The following SPON1 variants were observed in gnomAD, a reference collection of about 807,000 sequenced individuals.
The protein encoded by SPON1 is spondin-1.
A neutral mutation model predicts 111.7 loss-of-function variants in SPON1; 52 were observed. The observed-to-expected ratio is 0.47, with a 90% confidence interval of 0.37 to 0.59. SPON1 has a LOEUF of 0.59. SPON1 is among the 20% of genes least tolerant of loss of function. SPON1 has a pLI of 0.00. For synonymous variants in SPON1, 410 were observed against 395.8 expected (o/e 1.04, Z -0.43); for missense variants, 957 against 1,068.5 (o/e 0.90, Z 1.46).
chr11:14,041,485 T>C, intron 2 of SPON1, 36 bp from the exon 3 acceptor site: 6 of 1,608,064 alleles, frequency 3.7e-6, no homozygotes, highest in Non-Finnish European at 5.1e-6. Flanking sequence ...CTCAAAATGA[T>C]GTTGCATGTA....
chr11:14,090,823 GGCCCCCCCCC>G lies in SPON1; in HGVS notation c.676+10803_676+10812del, dbSNP rs1461026337. On this transcript the variant is annotated intron_variant, in intron 5 of 15. Coordinates refer to ENST00000576479, the MANE Select transcript of SPON1 (RefSeq NM_006108.4). ...GCAGCCTGCTTTTATTCTCTTATCT[GGCCCCCCCCC>G]CCCCCCCCCCCGCCCACATCCTGCT... Among the ~76,000 whole-genome samples the G allele has an allele frequency of 2.6e-4, 7 of 27,056 alleles. 1 individual carries two copies. The highest frequency in any genetic ancestry group is 1.6e-3 in the African/African-American group (6 of 3,752). 17.7% of individuals were successfully genotyped at this position (27,056 alleles called of 152,430 possible). A position where few individuals can be genotyped will look rare whatever the true frequency, so the allele number is the denominator to read the frequency against.
At chr11:14,085,003 T>G (rs1442653257) in intron 5 of SPON1, among the ~76,000 whole-genome samples, 1 of 142,136 alleles carries the variant, frequency 7.0e-6, no homozygotes, top group African/African-American at 2.5e-5. Context: ...GTTGTTTTTT[T>G]CTTGTAAATT....
At chr11:14,173,130 C>G (rs1848127718) in intron 6 of SPON1, among the ~76,000 whole-genome samples, 1 of 151,946 alleles carries the variant, frequency 6.6e-6, no homozygotes, top group South Asian at 2.1e-4. Flanking sequence ...TCAGGTACAC[C>G]AATCAGATGT....
At chr11:14,048,074 T>TA (rs1205584938) in intron 3 of SPON1, among the ~76,000 whole-genome samples, 1 of 152,094 alleles carries the variant, frequency 6.6e-6, no homozygotes, top group Non-Finnish European at 1.5e-5. Context: ...ACCCTGTCTC[T>TA]ACTACAAATA....
At position 14,162,590 on chromosome 11, in the gene SPON1, T is replaced by A. The variant is rs188801090; in HGVS notation, c.825+27022T>A. Reference sequence around the variant, plus strand: ...AACTTTTCCCAATCTTTTACAGATATCTTGCTCTCACCTAATTATACATTA... The same window carrying A: ...AACTTTTCCCAATCTTTTACAGATAACTTGCTCTCACCTAATTATACATTA... On this transcript the variant is annotated intron_variant, in intron 6 of 15. Coordinates refer to ENST00000576479, the MANE Select transcript of SPON1 (RefSeq NM_006108.4). Among the ~76,000 whole-genome samples the A allele has an allele frequency of 2.4e-3, 361 of 152,364 alleles. 1 individual carries two copies. Among genetic ancestry groups the A allele is most frequent in the Non-Finnish European group, 4.0e-3 (270 of 68,034 alleles).
At chr11:14,119,969 C>T (rs1591380662) in intron 5 of SPON1, among the ~76,000 whole-genome samples, 1 of 152,034 alleles carries the variant, frequency 6.6e-6, no homozygotes, top group African/African-American at 2.4e-5. Flanking sequence ...GCTCAGTGGC[C>T]ACATATGAGA....
At chr11:14,106,577 A>G (rs1554924942) in intron 5 of SPON1, among the ~76,000 whole-genome samples, 1 of 152,190 alleles carries the variant, frequency 6.6e-6, no homozygotes, top group African/African-American at 2.4e-5. Flanking sequence ...CAAAAACTCT[A>G]CTGTTTGGGG....
chr11:14,096,556 C>A (rs1388856979), intron 5 of SPON1, among the ~76,000 whole-genome samples: 1 of 152,126 alleles, frequency 6.6e-6, no homozygotes, highest in Non-Finnish European at 1.5e-5. Context: ...CTCTACCTAC[C>A]CACCCACTGC....
At chr11:14,158,990 T>C (rs1847880703) in intron 6 of SPON1, among the ~76,000 whole-genome samples, 1 of 125,186 alleles carries the variant, frequency 8.0e-6, no homozygotes, top group Non-Finnish European at 1.8e-5. Context: ...TAATATCTCT[T>C]ACTTTGTTTC....
chr11:14,160,142 T>C (rs1357557547), intron 6 of SPON1, among the ~76,000 whole-genome samples: 1 of 151,376 alleles, frequency 6.6e-6, no homozygotes, highest in African/African-American at 2.4e-5. Context: ...ACCCAAATCA[T>C]CTCATGTACC....
At chr11:14,014,017 T>C (rs1848425405) in intron 2 of SPON1, among the ~76,000 whole-genome samples, 1 of 152,146 alleles carries the variant, frequency 6.6e-6, no homozygotes, top group South Asian at 2.1e-4. Context: ...GCCTGGTTCT[T>C]CTGAAGCTTC....
chr11:14,197,449 A>C (rs554147860), intron 6 of SPON1, among the ~76,000 whole-genome samples: 125 of 151,926 alleles, frequency 8.2e-4, no homozygotes, highest in African/African-American at 2.8e-3. Context: ...CATGAAGCTT[A>C]AACTTTATTC....
intron 2 of SPON1, among the ~76,000 whole-genome samples, chr11:14,029,339 G>A (rs2031013): frequency 0.037 from 5,652 of 152,160 alleles, 359 homozygotes; most frequent in African/African-American, 0.13. Flanking sequence ...AGCGGGACAC[G>A]AGAATGATAA....
intron 6 of SPON1, among the ~76,000 whole-genome samples, chr11:14,178,322 T>G (rs1848201768): frequency 6.6e-6 from 1 of 151,070 alleles, no homozygotes; most frequent in Admixed American, 6.6e-5. Context: ...CTCGGGAGAC[T>G]GAGGCAGGAG....
chr11:14,029,236 G>C (rs1006360866), intron 2 of SPON1, among the ~76,000 whole-genome samples: 1 of 152,048 alleles, frequency 6.6e-6, no homozygotes, highest in Non-Finnish European at 1.5e-5. Context: ...AGCTGGGCTG[G>C]TACCCTGGAT....
Position 14,265,695 on chromosome 11 carries a change from A to C in SPON1, c.*8A>C. The stretch of plus-strand genomic sequence containing the variant: ...AATGTTCATCCTTGTTAGCAAGGGT[A>C]CGAGTTCCCCAGGGCTGCACTCTAG... On this transcript the variant is annotated 3_prime_UTR_variant, in exon 16 of 16. Transcript: ENST00000576479. 1 of 1,612,570 alleles carries C rather than the reference A, an allele frequency of 6.2e-7. No individual in the cohort carries two copies. The highest frequency in any genetic ancestry group is 1.1e-5 in the South Asian group (1 of 90,630).
intron 5 of SPON1, among the ~76,000 whole-genome samples, chr11:14,089,605 C>T (rs1199851805): frequency 3.3e-5 from 5 of 152,216 alleles, no homozygotes; most frequent in Non-Finnish European, 7.3e-5. Flanking sequence ...TCAGGAAGCA[C>T]GGAGGTCAGG....
intron 2 of SPON1, among the ~76,000 whole-genome samples, chr11:14,040,976 A>G (rs529550661): frequency 6.6e-6 from 1 of 152,284 alleles, no homozygotes; most frequent in Non-Finnish European, 1.5e-5. Flanking sequence ...ATCATAGGAA[A>G]CTTTGATGGT....
At chr11:13,967,666 A>T (rs993091559) in intron 1 of SPON1, among the ~76,000 whole-genome samples, 1 of 152,194 alleles carries the variant, frequency 6.6e-6, no homozygotes, top group African/African-American at 2.4e-5. Flanking sequence ...TTTACACAAG[A>T]TGAGGTCTTT....
Sources: gnomAD v4.1 joint callset for allele counts (sites outside exome capture counted in the v4.1 genomes callset) on GRCh38, gnomAD v4.1.1 for gene constraint, MANE v1.5 for transcripts, NCBI Gene and HGNC (gene_info 2026-07-23, HGNC 2026-07-21) for gene names.